The following DET1 variants were observed in gnomAD, a reference collection of about 807,000 sequenced individuals.
DET1 encodes DET1 partner of COP1 E3 ubiquitin ligase.
Under a neutral mutation model 43.7 loss-of-function variants are expected in DET1, and 22 were observed. The observed-to-expected ratio is 0.50, with a 90% CI of 0.36 to 0.72. DET1 has a LOEUF of 0.72. Ranked by LOEUF, DET1 falls within the 30% of genes least tolerant of loss-of-function variation. DET1 has a pLI of 0.00. For missense variants in DET1, 713 were observed against 713.3 expected (o/e 1.00, Z 0.00); for synonymous variants, 315 against 266.2 (o/e 1.18, Z -1.79).
intron 1 of DET1, among the ~76,000 whole-genome samples, chr15:88,537,137 C>T (rs1328405597): frequency 6.6e-6 from 1 of 152,080 alleles, no homozygotes; most frequent in Non-Finnish European, 1.5e-5. Flanking sequence ...ATGAATAGAG[C>T]CTTGGATCAA....
At chr15:88,509,187 G>A (rs1431337991), downstream of DET1, among the ~76,000 whole-genome samples, 1 of 152,128 alleles carries the variant, frequency 6.6e-6, no homozygotes, top group Non-Finnish European at 1.5e-5. Flanking sequence ...TAATAAAAAG[G>A]GTGTCGCTCT....
rs1687176742 is a variant in DET1 at position 88,522,512 on chromosome 15, G to GTTTCTTTTTTTTTTT, written c.1271+5086_1271+5087insAAAAAAAAAAAGAAA. Among the ~76,000 whole-genome samples the GTTTCTTTTTTTTTTT allele has an allele frequency of 2.5e-5, 2 of 80,258 alleles. 1 individual carries two copies. Among genetic ancestry groups the GTTTCTTTTTTTTTTT allele is most frequent in the African/African-American group, 1.0e-4 (2 of 19,098 alleles). 52.7% of individuals were successfully genotyped at this position (80,258 alleles called of 152,430 possible). The stretch of plus-strand genomic sequence containing the variant: ...TCTCATTGTTCTAGGAATGTTCCTG[G>GTTTCTTTTTTTTTTT]TTTTTTTTTTTTTTTGAGTTGGAGT... On this transcript the variant is annotated intron_variant, in intron 3 of 4. Transcript: ENST00000268148.
In DET1 at chr15:88,513,065, T is replaced by C; in HGVS notation, c.1539A>G (p.Thr513=). 5 of 1,614,060 alleles carry C rather than the reference T, an allele frequency of 3.1e-6. No individual in the cohort carries two copies. Among genetic ancestry groups the C allele is most frequent in the Non-Finnish European group, 4.2e-6 (5 of 1,179,894 alleles). ...AGLLGRPINH[T]VRRLVAFTFH... Reference sequence around the variant, plus strand: ...AGGTGAAGGCAACAAGGCGTCGCACTGTGTGGTTGATGGGGCGGCCCAATA... The same window carrying C: ...AGGTGAAGGCAACAAGGCGTCGCACCGTGTGGTTGATGGGGCGGCCCAATA... The change falls in exon 5 of 5, where the codon ACA becomes ACG. Residue 513 remains threonine (T), a synonymous_variant. Transcript: ENST00000268148.
downstream of DET1, among the ~76,000 whole-genome samples, chr15:88,508,454 C>G (rs79299709): frequency 1.1e-3 from 162 of 152,222 alleles, 3 homozygotes; most frequent in East Asian, 0.025. Flanking sequence ...GTTTTTGCAG[C>G]TGAAAGCAAC....
intron 4 of DET1, among the ~76,000 whole-genome samples, chr15:88,515,099 T>C (rs2056304833): frequency 6.6e-6 from 1 of 152,054 alleles, no homozygotes; most frequent in Non-Finnish European, 1.5e-5. Flanking sequence ...TTACAGGACA[T>C]ATGGGTAAAT....
At chr15:88,538,684 T>C (rs1363260097) in intron 1 of DET1, among the ~76,000 whole-genome samples, 1 of 151,114 alleles carries the variant, frequency 6.6e-6, no homozygotes. Context: ...TGGGTGAGAG[T>C]TGGTCTTGCT....
At position 88,546,640 on chromosome 15, in the gene DET1, A is replaced by T. The variant is rs1301159782; in HGVS notation, c.-111T>A. On this transcript the variant is annotated 5_prime_UTR_variant, in exon 1 of 5. Coordinates refer to ENST00000268148, the MANE Select transcript of DET1 (RefSeq NM_001144074.3). ...CCCCGCCATGCCCCAGGACTCCTGC[A>T]CCCGCGGCTGCACGTTCCCGTTTCC... The T allele has an allele frequency of 4.1e-5, 6 of 148,018 alleles. No individual in the cohort carries two copies. 9.2% of individuals were successfully genotyped at this position (148,018 alleles called of 1,614,324 possible). A position where few individuals can be genotyped will look rare whatever the true frequency, so the allele number is the denominator to read the frequency against.
At chr15:88,518,115 T>G (rs2056395999) in intron 3 of DET1, among the ~76,000 whole-genome samples, 1 of 150,978 alleles carries the variant, frequency 6.6e-6, no homozygotes, top group East Asian at 1.9e-4. Context: ...ATTTTTTTTT[T>G]TTTTTTTGTA....
At chr15:88,502,376 G>A (rs1298297835) in intron 8 of DET1, 2 of 152,044 alleles carry the variant, frequency 1.3e-5, no homozygotes, top group Admixed American at 1.3e-4. Context: ...TTAAAACTAA[G>A]AGACAGTCTG....
In DET1 at chr15:88,513,059, T is replaced by A. The variant is rs1156228638; in HGVS notation, c.1545A>T (p.Arg515=). The change falls in exon 5 of 5, where the codon CGA becomes CGT. Residue 515 remains arginine (R), a synonymous_variant. Coordinates refer to ENST00000268148, the MANE Select transcript of DET1 (RefSeq NM_001144074.3). ...GGTGAAAGGTGAAGGCAACAAGGCG[T>A]CGCACTGTGTGGTTGATGGGGCGGC... ...LLGRPINHTV[R]RLVAFTFHPF... is the part of the protein sequence containing the mutation. The A allele has an allele frequency of 6.2e-7, 1 of 1,613,942 alleles. No individual in the cohort carries two copies. Among genetic ancestry groups the A allele is most frequent in the Non-Finnish European group, 8.5e-7 (1 of 1,179,910 alleles).
chr15:88,511,367 C>A (rs1393560163), downstream of DET1: 6 of 975,636 alleles, frequency 6.1e-6, no homozygotes, highest in Non-Finnish European at 7.3e-6. Context: ...CTCAGTCTAC[C>A]TGTTCAGTCA....
intron 4 of DET1, among the ~76,000 whole-genome samples, chr15:88,515,130 T>C (rs1247674551): frequency 6.6e-6 from 1 of 152,020 alleles, no homozygotes; most frequent in Non-Finnish European, 1.5e-5. Flanking sequence ...GTAAATACTA[T>C]CCCAGGGATG....
intron 3 of DET1, among the ~76,000 whole-genome samples, chr15:88,527,239 AG>A (rs540366371): frequency 9.5e-4 from 144 of 152,314 alleles, no homozygotes; most frequent in African/African-American, 3.3e-3. Flanking sequence ...GATGGAGCAA[AG>A]ATAAATACAT....
chr15:88,508,019 G>A (rs1345880390), downstream of DET1, among the ~76,000 whole-genome samples: 4 of 151,142 alleles, frequency 2.6e-5, no homozygotes, highest in Non-Finnish European at 5.9e-5. Flanking sequence ...AGCGCAAACC[G>A]TATTGTGAAC....
chr15:88,540,253 C>A (rs1157435981), intron 1 of DET1, among the ~76,000 whole-genome samples: 1 of 152,122 alleles, frequency 6.6e-6, no homozygotes, highest in Non-Finnish European at 1.5e-5. Flanking sequence ...CTAGATCCAA[C>A]TGACCCAGGA....
intron 1 of DET1, among the ~76,000 whole-genome samples, chr15:88,537,087 C>T (rs1190564886): frequency 2.0e-5 from 3 of 152,172 alleles, no homozygotes; most frequent in African/African-American, 7.2e-5. Flanking sequence ...GTACATACCT[C>T]CATGACTGAG....
chr15:88,546,089 A>G (rs1598357324), intron 1 of DET1: 1 of 151,846 alleles, frequency 6.6e-6, no homozygotes, highest in African/African-American at 2.4e-5. Flanking sequence ...CCCTTCCTAA[A>G]CCAAGGTATA....
Position 88,527,761 on chromosome 15 carries a change from A to G in DET1, c.1109T>C (p.Met370Thr), listed in dbSNP as rs2142299002. 1 of 1,608,478 alleles carries G rather than the reference A, an allele frequency of 6.2e-7. No homozygotes were observed. The highest frequency in any genetic ancestry group is 8.5e-7 in the Non-Finnish European group (1 of 1,176,974). Residue 370 changes from methionine to threonine, a missense_variant, in exon 3 of 5, where the codon ATG (methionine) becomes ACG (threonine). Met to Thr is a moderately conservative substitution (Grantham distance 81). Transcript: ENST00000268148. ...CACAGCAATCACCTCTGTCGTCACC[A>G]TATTGTACACCACAAAGAAAGATGC... ...SQASFFVVYN[M>T]VTTEVIAVFE...
At chr15:88,542,565 C>T (rs1447988976) in intron 1 of DET1, among the ~76,000 whole-genome samples, 1 of 152,064 alleles carries the variant, frequency 6.6e-6, no homozygotes, top group Non-Finnish European at 1.5e-5. Flanking sequence ...AGAGAAAGCT[C>T]CAGAAACTGA....
Sources: gnomAD v4.1 joint callset for allele counts (sites outside exome capture counted in the v4.1 genomes callset) on GRCh38, gnomAD v4.1.1 for gene constraint, MANE v1.5 for transcripts, NCBI Gene and HGNC (gene_info 2026-07-23, HGNC 2026-07-21) for gene names.